CDH12: variants seen among roughly 807,000 people sequenced by gnomAD.
The protein encoded by CDH12 is cadherin 12.
Under a neutral mutation model 74.1 loss-of-function variants are expected in CDH12, and 41 were observed. That is an observed-to-expected ratio of 0.55 (90% confidence interval 0.43 to 0.72). The LOEUF (loss-of-function observed/expected upper bound fraction) is 0.72, where lower values mean the gene tolerates loss of function less well. Ranked by LOEUF, CDH12 falls within the 30% of genes least tolerant of loss-of-function variation. CDH12 has a pLI of 0.00. For missense variants in CDH12, 945 were observed against 977.2 expected (o/e 0.97, Z 0.44); for synonymous variants, 399 against 355.0 (o/e 1.12, Z -1.39).
intron 1 of CDH12, among the ~76,000 whole-genome samples, chr5:22,842,639 A>T (rs1024028991): frequency 2.0e-5 from 3 of 152,122 alleles, no homozygotes; most frequent in Non-Finnish European, 4.4e-5. Context: ...TTATGTGTTC[A>T]CTCTAGAACG....
Position 22,513,525 on chromosome 5 carries a change from C to T in CDH12, c.-522-8161G>A, listed in dbSNP as rs536985868. Among the ~76,000 whole-genome samples, 8 of 152,214 alleles carry T rather than the reference C, an allele frequency of 5.3e-5. No individual in the cohort carries two copies. In the South Asian group the frequency reaches 8.3e-4, roughly 16 times the overall value. ...TTCTACAGCATCTGAGTATCTTCTA[C>T]GTATCAAAGAAGGTTATACAGACCT... On this transcript the variant is annotated intron_variant, in intron 1 of 14. Transcript: ENST00000382254.
At position 21,939,052 on chromosome 5, in the gene CDH12, A is replaced by G. The variant is rs575084501; in HGVS notation, c.526+36039T>C. Among the ~76,000 whole-genome samples, 3 of 151,698 alleles carry G rather than the reference A, an allele frequency of 2.0e-5. No homozygotes were observed. The South Asian group carries it at 6.2e-4, about 31-fold the overall frequency. ...GCAACATATCTCTTAATGGGGATAT[A>G]GACAAGTAAAGTACAACATACACAT... On this transcript the variant is annotated intron_variant, in intron 6 of 14. Coordinates refer to ENST00000382254, the MANE Select transcript of CDH12 (RefSeq NM_004061.5).
intron 4 of CDH12, among the ~76,000 whole-genome samples, chr5:22,094,508 G>A (rs1298861910): frequency 6.6e-6 from 1 of 152,100 alleles, no homozygotes; most frequent in African/African-American, 2.4e-5. Flanking sequence ...GAGAAGGTAA[G>A]GACAGAAACT....
intron 3 of CDH12, among the ~76,000 whole-genome samples, chr5:22,232,420 A>T (rs1752416428): frequency 2.0e-5 from 3 of 151,986 alleles, no homozygotes; most frequent in African/African-American, 7.2e-5. Flanking sequence ...GAACTAAGTG[A>T]TAAAAAGTAT....
intron 2 of CDH12, among the ~76,000 whole-genome samples, chr5:22,474,492 T>G (rs17333711): frequency 6.6e-6 from 1 of 151,884 alleles, no homozygotes; most frequent in South Asian, 2.1e-4. Flanking sequence ...CAATAGAAAC[T>G]ACTCATGAGA....
chr5:22,558,235 G>A (rs1233653390), intron 1 of CDH12, among the ~76,000 whole-genome samples: 6 of 151,950 alleles, frequency 3.9e-5, no homozygotes, highest in Non-Finnish European at 7.4e-5. Flanking sequence ...GAAGTTACAA[G>A]GAAAGTTGGA....
At chr5:21,958,055 T>G (rs1188366205) in intron 6 of CDH12, among the ~76,000 whole-genome samples, 3 of 151,942 alleles carry the variant, frequency 2.0e-5, no homozygotes. Context: ...GCTGTTCTTG[T>G]GATAGTGAAT....
intron 3 of CDH12, among the ~76,000 whole-genome samples, chr5:22,385,536 C>T (rs189307532): frequency 6.6e-6 from 1 of 152,108 alleles, no homozygotes; most frequent in African/African-American, 2.4e-5. Flanking sequence ...AATCCATACA[C>T]GTTTTTCTCA....
Position 22,557,409 on chromosome 5 carries a change from C to G in CDH12, c.-522-52045G>C, listed in dbSNP as rs926327231. On this transcript the variant is annotated intron_variant, in intron 1 of 14. Transcript: ENST00000382254. ...ACCAAGGAGGTCTTACCCGAATGAACATTTGAGCAACGGATACAATTTTTA... is the reference window on the plus strand; with the variant it reads ...ACCAAGGAGGTCTTACCCGAATGAAGATTTGAGCAACGGATACAATTTTTA... Among the ~76,000 whole-genome samples, 7 of 152,024 alleles carry G rather than the reference C, an allele frequency of 4.6e-5. 1 individual carries two copies. The highest frequency in any genetic ancestry group is 4.6e-4 in the Admixed American group (7 of 15,230).
intron 3 of CDH12, among the ~76,000 whole-genome samples, chr5:22,370,508 A>G (rs1278748154): frequency 6.6e-6 from 1 of 152,196 alleles, no homozygotes; most frequent in Non-Finnish European, 1.5e-5. Context: ...TATAACACAT[A>G]GGTGCCTTTT....
At chr5:21,856,017 T>C (rs1750737059) in intron 6 of CDH12, among the ~76,000 whole-genome samples, 1 of 151,698 alleles carries the variant, frequency 6.6e-6, no homozygotes, top group South Asian at 2.1e-4. Flanking sequence ...GAAAAATATA[T>C]TACAGCAGCC....
At chr5:22,152,621 T>C (rs2150310924) in intron 4 of CDH12, among the ~76,000 whole-genome samples, 1 of 152,344 alleles carries the variant, frequency 6.6e-6, no homozygotes, top group East Asian at 1.9e-4. Context: ...TATTTACTTT[T>C]GTGGTGAGAA....
intron 1 of CDH12, among the ~76,000 whole-genome samples, chr5:22,679,938 G>A (rs1024561107): frequency 6.6e-6 from 1 of 152,080 alleles, no homozygotes; most frequent in Non-Finnish European, 1.5e-5. Context: ...CAGATCACAT[G>A]TCTGTACACG....
chr5:21,987,233 C>T (rs1288746116), intron 5 of CDH12, among the ~76,000 whole-genome samples: 3 of 151,764 alleles, frequency 2.0e-5, no homozygotes, highest in Admixed American at 6.6e-5. Context: ...AATATAAGTA[C>T]GATTTCAAAA....
chr5:22,436,295 AGGG>A (rs1386270883), intron 2 of CDH12, among the ~76,000 whole-genome samples: 4 of 1,072 alleles, frequency 3.7e-3, no homozygotes, highest in Admixed American at 0.014. Context: ...GGGAGGGGGG[AGGG>A]GGGAGGGGGG....
At chr5:21,882,921 G>C (rs946813034) in intron 6 of CDH12, 1 of 1,604,476 alleles carries the variant, frequency 6.2e-7, no homozygotes, top group Non-Finnish European at 8.5e-7. Context: ...AGAATCTGGG[G>C]ATGGCACTAC....
At chr5:21,802,116 G>T (rs1188217269) in intron 10 of CDH12, 51 bp downstream of exon 10, 6 of 1,530,728 alleles carry the variant, frequency 3.9e-6, no homozygotes, top group Admixed American at 1.9e-5. Context: ...TTTTGTTCTT[G>T]TTTTGTTTTG....
chr5:21,833,142 A>G lies in CDH12; in HGVS notation c.814+9019T>C, dbSNP rs868815756. 3.3e-3 allele frequency among the ~76,000 whole-genome samples: 66 copies of G among 20,056 alleles called. 6 individuals are homozygous for G. The African/African-American group carries it at 0.042, about 13-fold the overall frequency. 13.2% of individuals were successfully genotyped at this position (20,056 alleles called of 152,430 possible). A position where few individuals can be genotyped will look rare whatever the true frequency, so the allele number is the denominator to read the frequency against. On this transcript the variant is annotated intron_variant, in intron 8 of 14. Coordinates refer to ENST00000382254, the MANE Select transcript of CDH12 (RefSeq NM_004061.5). ...AATATATATTATATTATAAATATAT[A>G]TTATATAACATATAATATATATTAT...
chr5:22,266,098 A>T (rs986765707), intron 3 of CDH12, among the ~76,000 whole-genome samples: 4 of 150,416 alleles, frequency 2.7e-5, no homozygotes, highest in African/African-American at 9.8e-5. Flanking sequence ...TTTCTGAAGC[A>T]GAGTTTCGCT....
Sources: allele counts gnomAD v4.1 joint callset (sites outside exome capture counted in the v4.1 genomes callset), GRCh38; gene constraint gnomAD v4.1.1; transcripts MANE v1.5; gene names NCBI Gene and HGNC (gene_info 2026-07-23, HGNC 2026-07-21).